GRIK3: variants seen among roughly 807,000 people sequenced by gnomAD.
GRIK3 encodes the protein glutamate ionotropic receptor kainate type subunit 3.
In GRIK3, 29 loss-of-function variants were observed where a neutral mutation model predicts 102.5. That is an observed-to-expected ratio of 0.28 (90% confidence interval 0.21 to 0.39). GRIK3 has a LOEUF of 0.39. Among genes scored for constraint, GRIK3 ranks in the 10% least tolerant of loss-of-function variants. GRIK3 has a pLI of 1.00. For missense variants in GRIK3, 908 were observed against 1,252.4 expected (o/e 0.73, Z 4.15); for synonymous variants, 511 against 504.9 (o/e 1.01, Z -0.16).
chr1:37,026,355 C>T (rs1405874052), intron 1 of GRIK3, among the ~76,000 whole-genome samples: 1 of 152,178 alleles, frequency 6.6e-6, no homozygotes, highest in Admixed American at 6.5e-5. Flanking sequence ...AACTCCAGTG[C>T]AGGGCCCATG....
chr1:36,899,265 T>C (rs949398559), intron 1 of GRIK3, among the ~76,000 whole-genome samples: 4 of 152,148 alleles, frequency 2.6e-5, no homozygotes, highest in African/African-American at 7.2e-5. Context: ...GAGAAGATAT[T>C]TGCAAATCAT....
intron 1 of GRIK3, among the ~76,000 whole-genome samples, chr1:36,897,496 C>A (rs932223370): frequency 2.0e-5 from 3 of 152,144 alleles, no homozygotes; most frequent in African/African-American, 7.2e-5. Flanking sequence ...TTTAAATAGG[C>A]ATTTTTCAAA....
intron 10 of GRIK3, among the ~76,000 whole-genome samples, chr1:36,837,479 C>T (rs549820570): frequency 6.6e-6 from 1 of 152,184 alleles, no homozygotes; most frequent in South Asian, 2.1e-4. Flanking sequence ...GCTGGCTGTG[C>T]ATCTACTTCC....
intron 1 of GRIK3, among the ~76,000 whole-genome samples, chr1:36,964,285 ACTCAGGTGAC>A (rs1642057363): frequency 3.9e-5 from 6 of 152,028 alleles, no homozygotes; most frequent in Admixed American, 3.9e-4. Context: ...ATTTCTCAGA[ACTCAGGTGAC>A]CTCCCTGTAG....
intron 1 of GRIK3, among the ~76,000 whole-genome samples, chr1:36,908,609 G>A (rs1257077260): frequency 1.3e-5 from 2 of 152,212 alleles, no homozygotes; most frequent in Non-Finnish European, 2.9e-5. Context: ...GTTATTTAAA[G>A]AGGCTAATAA....
At chr1:36,857,780 C>T (rs1436398024) in intron 7 of GRIK3, among the ~76,000 whole-genome samples, 1 of 152,234 alleles carries the variant, frequency 6.6e-6, no homozygotes, top group African/African-American at 2.4e-5. Context: ...CCTCAACCCC[C>T]ATCCAAGGTG....
chr1:36,928,534 C>T (rs138993525), intron 1 of GRIK3, among the ~76,000 whole-genome samples: 174 of 152,318 alleles, frequency 1.1e-3, no homozygotes, highest in Non-Finnish European at 2.1e-3. Context: ...TGTCTGACAA[C>T]GCAGTGTTTA....
chr1:36,974,993 A>G (rs1433498528), intron 1 of GRIK3, among the ~76,000 whole-genome samples: 6 of 152,080 alleles, frequency 3.9e-5, no homozygotes, highest in African/African-American at 1.4e-4. Flanking sequence ...AGGGGCTGGG[A>G]GGAGGGGTAA....
intron 1 of GRIK3, among the ~76,000 whole-genome samples, chr1:36,949,547 CT>C (rs1007130449): frequency 8.1e-5 from 10 of 122,776 alleles, no homozygotes; most frequent in East Asian, 2.4e-4. Context: ...TCTTTTCTTT[CT>C]TTTTTTTCTT....
rs776682692 is a variant in GRIK3, at chr1:36,850,442, GA to G, written c.1213-19del. ...ACCCCAACCTGGATGGACACAGACA[GA>G]AAACAGGGTGCCGAGTCCTTGGTCT... is the stretch of plus-strand genomic sequence containing the variant. On this transcript the variant is annotated intron_variant, in intron 8 of 15. Coordinates refer to ENST00000373091, the MANE Select transcript of GRIK3 (RefSeq NM_000831.4). The surrounding 1 kb of genome is among the most constrained non-coding windows in gnomAD (Gnocchi z 4.0). 13 of 1,494,126 alleles carry G rather than the reference GA, an allele frequency of 8.7e-6. No individual in the cohort carries two copies. The highest frequency in any genetic ancestry group is 3.4e-4 in the Middle Eastern group (2 of 5,834). The allele number at this position is 1,494,126 out of a possible 1,614,324, so 92.6% of individuals were successfully genotyped here.
intron 10 of GRIK3, among the ~76,000 whole-genome samples, chr1:36,840,340 T>A (rs916870071): frequency 6.6e-6 from 1 of 152,030 alleles, no homozygotes; most frequent in Non-Finnish European, 1.5e-5. Flanking sequence ...TCATGTTTAT[T>A]GTGTGCCAGG....
At chr1:37,021,226 A>G (rs1642709909) in intron 1 of GRIK3, among the ~76,000 whole-genome samples, 1 of 151,282 alleles carries the variant, frequency 6.6e-6, no homozygotes, top group South Asian at 2.1e-4. Context: ...TTTTTTTCCC[A>G]TGGCTCACCA....
intron 10 of GRIK3, among the ~76,000 whole-genome samples, chr1:36,826,993 A>G (rs1025018928): frequency 6.6e-6 from 1 of 152,134 alleles, no homozygotes; most frequent in Admixed American, 6.5e-5. Context: ...CATGTTCTGC[A>G]CATTCCACAC....
intron 1 of GRIK3, among the ~76,000 whole-genome samples, chr1:36,920,497 G>A (rs944109026): frequency 2.6e-5 from 4 of 152,132 alleles, no homozygotes; most frequent in Admixed American, 1.3e-4. Context: ...ACCGTCTGCT[G>A]TTTGGGGTTG....
chr1:36,861,023 TC>T (rs1348865856), intron 5 of GRIK3, among the ~76,000 whole-genome samples: 1 of 152,144 alleles, frequency 6.6e-6, no homozygotes, highest in African/African-American at 2.4e-5. Flanking sequence ...GAGGAGATAC[TC>T]CCCAAGGTTG....
chr1:36,961,649 G>A (rs966190791), intron 1 of GRIK3, among the ~76,000 whole-genome samples: 3 of 152,226 alleles, frequency 2.0e-5, no homozygotes, highest in Admixed American at 6.5e-5. Context: ...GATCTCCAGG[G>A]TCCTGCTGGC....
At chr1:36,951,501 G>T (rs1392745364) in intron 1 of GRIK3, among the ~76,000 whole-genome samples, 5 of 152,180 alleles carry the variant, frequency 3.3e-5, no homozygotes, top group Non-Finnish European at 7.3e-5. Flanking sequence ...AGAGCCCAAG[G>T]CCCCCTCTCC....
At chr1:36,957,503 C>CGTG (rs1641931727) in intron 1 of GRIK3, among the ~76,000 whole-genome samples, 2 of 114,974 alleles carry the variant, frequency 1.7e-5, no homozygotes, top group Admixed American at 8.4e-5. Context: ...CTGTGTGCCC[C>CGTG]ATGACTCTGT....
intron 2 of GRIK3, among the ~76,000 whole-genome samples, chr1:36,885,008 T>C (rs1435936979): frequency 6.6e-6 from 1 of 152,226 alleles, no homozygotes; most frequent in Non-Finnish European, 1.5e-5. Context: ...GACTTTTATT[T>C]TGACACAGAC....
Sources: allele counts gnomAD v4.1 joint callset (sites outside exome capture counted in the v4.1 genomes callset), GRCh38; gene constraint gnomAD v4.1.1; non-coding constraint Gnocchi (gnomAD v3.1); transcripts MANE v1.5; gene names NCBI Gene and HGNC (gene_info 2026-07-23, HGNC 2026-07-21).